Variants in COL22A1 observed in about 807,000 individuals in gnomAD.
The protein encoded by COL22A1 is collagen type XXII alpha 1 chain.
COL22A1 carries 221 observed loss-of-function variants against 248.9 expected under a neutral mutation model. The ratio of observed to expected loss-of-function variants is 0.89; its 90% confidence interval spans 0.80 to 0.99. The LOEUF is 0.99. Ranked by LOEUF, COL22A1 falls within the 50% of genes least tolerant of loss-of-function variation. COL22A1 has a pLI of 0.00. For synonymous variants in COL22A1, 891 were observed against 793.4 expected (o/e 1.12, Z -2.07); for missense variants, 2,240 against 2,179.0 (o/e 1.03, Z -0.56).
chr8:138,669,885 C>CTT lies in COL22A1; in HGVS notation c.3151-6147_3151-6146dup, dbSNP rs34714342. Among the ~76,000 whole-genome samples the CTT allele has an allele frequency of 9.9e-3, 1,205 of 121,178 alleles. 39 individuals carry two copies. Among genetic ancestry groups the CTT allele is most frequent in the African/African-American group, 0.03 (1,016 of 33,758 alleles). 79.5% of individuals were successfully genotyped at this position (121,178 alleles called of 152,430 possible). On this transcript the variant is annotated intron_variant, in intron 41 of 64. Transcript: ENST00000303045. Reference sequence around the variant, plus strand: ...CCATCAACAGAAGAAACTCCTAAGACTTTTTTTTTTTTTTTTTTTGAGATG... The same window carrying CTT: ...CCATCAACAGAAGAAACTCCTAAGACTTTTTTTTTTTTTTTTTTTTTGAGATG...
intron 2 of COL22A1, among the ~76,000 whole-genome samples, chr8:138,881,367 T>C (rs1824190231): frequency 6.6e-6 from 1 of 152,194 alleles, no homozygotes; most frequent in African/African-American, 2.4e-5. Flanking sequence ...TTTTCTTTTT[T>C]AAGTCCAGGG....
chr8:138,631,132 A>G (rs942775309), intron 49 of COL22A1, among the ~76,000 whole-genome samples: 1 of 152,216 alleles, frequency 6.6e-6, no homozygotes, highest in African/African-American at 2.4e-5. Context: ...AGATGCTGGT[A>G]TCATGCTTGT....
intron 9 of COL22A1, among the ~76,000 whole-genome samples, chr8:138,808,595 G>A (rs1817920029): frequency 6.6e-6 from 1 of 152,150 alleles, no homozygotes; most frequent in Non-Finnish European, 1.5e-5. Context: ...ATCTGTACGT[G>A]TTCGATACAT....
chr8:138,778,342 C>T lies in COL22A1; in HGVS notation c.1758+11G>A, dbSNP rs201044926. 15 of 1,614,000 alleles carry T rather than the reference C, an allele frequency of 9.3e-6. No individual in the cohort carries two copies. The highest frequency in any genetic ancestry group is 4.5e-5 in the East Asian group (2 of 44,882). On this transcript the variant is annotated intron_variant, in intron 15 of 64. Coordinates refer to ENST00000303045, the MANE Select transcript of COL22A1 (RefSeq NM_152888.3). ...GGTAGAACCCCTGCCCAGACAAGTG[C>T]CTTCACTTACAGGAGCTCCGACACG...
chr8:138,878,989 C>T (rs1413701220), intron 2 of COL22A1, among the ~76,000 whole-genome samples: 4 of 147,798 alleles, frequency 2.7e-5, no homozygotes, highest in African/African-American at 9.9e-5. Context: ...GCCTGGGCGA[C>T]AGAGCGAGAC....
At chr8:138,898,813 TC>T (rs1814317470) in intron 1 of COL22A1, among the ~76,000 whole-genome samples, 1 of 152,002 alleles carries the variant, frequency 6.6e-6, no homozygotes, top group Non-Finnish European at 1.5e-5. Flanking sequence ...AGACCAAGCC[TC>T]CTTTCTCTCT....
intron 4 of COL22A1, among the ~76,000 whole-genome samples, chr8:138,842,504 G>T (rs1008250193): frequency 6.6e-6 from 1 of 152,152 alleles, no homozygotes; most frequent in Non-Finnish European, 1.5e-5. Flanking sequence ...GAAAAGTTGC[G>T]CAGACACATT....
At chr8:138,793,900 C>T (rs1302603650) in intron 12 of COL22A1, among the ~76,000 whole-genome samples, 2 of 152,186 alleles carry the variant, frequency 1.3e-5, no homozygotes, top group Admixed American at 1.3e-4. Flanking sequence ...AGAGGAAAGG[C>T]TGGTCCCAGA....
intron 3 of COL22A1, among the ~76,000 whole-genome samples, chr8:138,860,115 T>C (rs376928678): frequency 2.4e-4 from 36 of 152,264 alleles, no homozygotes; most frequent in African/African-American, 8.7e-4. Context: ...TTCCCCTCTC[T>C]TCTCCACCCT....
chr8:138,617,037 G>C (rs1587685395), intron 53 of COL22A1, 79 bp from the exon 54 acceptor site: 1 of 1,487,716 alleles, frequency 6.7e-7, no homozygotes, highest in African/African-American at 1.4e-5. Flanking sequence ...CTCCCTGCCG[G>C]CTTTGACCCA....
intron 1 of COL22A1, among the ~76,000 whole-genome samples, chr8:138,910,414 T>A (rs1276685984): frequency 6.6e-6 from 1 of 152,158 alleles, no homozygotes; most frequent in Non-Finnish European, 1.5e-5. Flanking sequence ...TCAATCCCTC[T>A]GTGTCCTGGT....
intron 2 of COL22A1, among the ~76,000 whole-genome samples, chr8:138,879,336 C>T (rs1823995791): frequency 6.6e-6 from 1 of 152,066 alleles, no homozygotes; most frequent in African/African-American, 2.4e-5. Flanking sequence ...TCAGATAATA[C>T]AAGAGGAAGT....
chr8:138,606,398 C>A lies in COL22A1; in HGVS notation c.4087G>T (p.Gly1363Cys). Residue 1363 changes from glycine (G) to cysteine (C), a missense_variant, in exon 58 of 65, where the codon GGT becomes TGT. Coordinates refer to ENST00000303045, the MANE Select transcript of COL22A1 (RefSeq NM_152888.3). ...CTGCTTACCGGAGGCCCACGGGGAC[C>A]CAGGAAGCCAGGAAGTCCTGGGCTG... Reference protein sequence around the residue: ...NGSPGLPGFLGPRGPPGEPGE... With the variant: ...NGSPGLPGFLCPRGPPGEPGE... The A allele has an allele frequency of 6.2e-7, 1 of 1,613,132 alleles. No homozygotes were observed. Among genetic ancestry groups the A allele is most frequent in the South Asian group, 1.1e-5 (1 of 90,714 alleles).
intron 2 of COL22A1, among the ~76,000 whole-genome samples, chr8:138,879,241 C>T (rs1284757639): frequency 6.6e-6 from 1 of 152,146 alleles, no homozygotes; most frequent in East Asian, 1.9e-4. Flanking sequence ...GTTTCCATGG[C>T]TGCAAAGAGT....
At chr8:138,798,395 AC>A (rs1816728839) in intron 11 of COL22A1, among the ~76,000 whole-genome samples, 1 of 151,864 alleles carries the variant, frequency 6.6e-6, no homozygotes, top group Non-Finnish European at 1.5e-5. Flanking sequence ...TTCTAGTGTA[AC>A]ATTTACACTA....
intron 35 of COL22A1, among the ~76,000 whole-genome samples, chr8:138,692,730 T>C (rs1481987135): frequency 2.6e-5 from 4 of 151,986 alleles, no homozygotes; most frequent in Non-Finnish European, 5.9e-5. Flanking sequence ...GGGTCAGGAC[T>C]CACGGAGAAC....
At chr8:138,749,499 T>C (rs1316218966) in intron 22 of COL22A1, among the ~76,000 whole-genome samples, 1 of 152,226 alleles carries the variant, frequency 6.6e-6, no homozygotes, top group East Asian at 1.9e-4. Context: ...ACAAAGATTG[T>C]TGTTTTCTCT....
intron 26 of COL22A1, 101 bp downstream of exon 26, chr8:138,721,935 C>G (rs1829895467): frequency 2.2e-6 from 2 of 919,542 alleles, no homozygotes; most frequent in South Asian, 1.4e-5. Flanking sequence ...GATCGAAGAC[C>G]CAGGCAATTG....
chr8:138,742,787 ATGG>A (rs1310559663), intron 22 of COL22A1, among the ~76,000 whole-genome samples: 1 of 149,468 alleles, frequency 6.7e-6, no homozygotes, highest in African/African-American at 2.5e-5. Context: ...TGTGATGGTG[ATGG>A]TGGAGTTGAT....
Sources: gnomAD v4.1 joint callset for allele counts (sites outside exome capture counted in the v4.1 genomes callset) on GRCh38, gnomAD v4.1.1 for gene constraint, MANE v1.5 for transcripts, NCBI Gene and HGNC (gene_info 2026-07-23, HGNC 2026-07-21) for gene names.